The following USP13 variants were observed in gnomAD, a reference collection of about 807,000 sequenced individuals.
The protein encoded by USP13 is ubiquitin carboxyl-terminal hydrolase 13.
In USP13, 68 loss-of-function variants were observed where a neutral mutation model predicts 107.8. The ratio of observed to expected loss-of-function variants is 0.63; its 90% CI spans 0.52 to 0.77. The LOEUF is 0.77. Ranked by LOEUF, USP13 falls within the 30% of genes least tolerant of loss-of-function variation. The pLI, the probability that USP13 is intolerant of heterozygous loss-of-function variation, is 0.00. For synonymous variants in USP13, 377 were observed against 389.5 expected, an observed-to-expected ratio of 0.97 and a Z score of 0.38; for missense variants, 945 against 1,093.3, an observed-to-expected ratio of 0.86 and a Z score of 1.91.
chr3:179,661,255 T>A (rs1720449184), intron 1 of USP13, among the ~76,000 whole-genome samples: 1 of 152,214 alleles, frequency 6.6e-6, no homozygotes, highest in South Asian at 2.1e-4. Context: ...CAAGAAGATA[T>A]AACCACTTAT....
In USP13 at chr3:179,657,051, G is replaced by A. The variant is rs143987336; in HGVS notation, c.168+3658G>A. 2.1e-3 allele frequency among the ~76,000 whole-genome samples: 319 copies of A among 152,336 alleles called. 2 individuals carry two copies. Among genetic ancestry groups the A allele is most frequent in the African/African-American group, 7.0e-3 (290 of 41,572 alleles). The stretch of plus-strand genomic sequence containing the variant: ...GTGAAGGAGAGAGCCCAGACTGGCA[G>A]TGTTTGAATCCTATCTCCGTCACTC... On this transcript the variant is annotated intron_variant, in intron 1 of 20. Transcript: ENST00000263966.
intron 8 of USP13, among the ~76,000 whole-genome samples, chr3:179,728,644 A>C (rs1430529319): frequency 1.3e-5 from 2 of 151,998 alleles, no homozygotes; most frequent in Non-Finnish European, 1.5e-5. Context: ...TGAGAGGTGG[A>C]TGTTGTAGCG....
chr3:179,701,649 G>T (rs1475911861), intron 4 of USP13, among the ~76,000 whole-genome samples: 1 of 152,180 alleles, frequency 6.6e-6, no homozygotes, highest in East Asian at 1.9e-4. Flanking sequence ...ACAGATCTGC[G>T]GGAGCTCTGG....
intron 1 of USP13, among the ~76,000 whole-genome samples, chr3:179,658,006 T>C (rs993606414): frequency 6.6e-6 from 1 of 152,096 alleles, no homozygotes; most frequent in Non-Finnish European, 1.5e-5. Flanking sequence ...AGTTTCCAGG[T>C]GGTCAGTTCC....
chr3:179,728,941 C>A (rs373409114), intron 8 of USP13, among the ~76,000 whole-genome samples: 1 of 151,432 alleles, frequency 6.6e-6, no homozygotes, highest in Non-Finnish European at 1.5e-5. Flanking sequence ...AGAGGGAGAC[C>A]GTGGAGAGAG....
At chr3:179,683,661 A>G (rs1711756365) in intron 2 of USP13, among the ~76,000 whole-genome samples, 1 of 152,146 alleles carries the variant, frequency 6.6e-6, no homozygotes, top group East Asian at 1.9e-4. Context: ...CCCATAATTC[A>G]ATCACCTCCC....
intron 19 of USP13, among the ~76,000 whole-genome samples, chr3:179,769,766 T>C (rs1715289015): frequency 6.6e-6 from 1 of 152,194 alleles, no homozygotes; most frequent in African/African-American, 2.4e-5. Context: ...ATATGCCTAA[T>C]GTAATCCCTA....
intron 19 of USP13, among the ~76,000 whole-genome samples, chr3:179,772,222 A>G (rs1715362269): frequency 6.6e-6 from 1 of 152,248 alleles, no homozygotes; most frequent in Admixed American, 6.5e-5. Context: ...TTAAAACTTT[A>G]AAGCTAGAAA....
At chr3:179,711,370 G>T (rs943105076) in intron 6 of USP13, among the ~76,000 whole-genome samples, 3 of 151,986 alleles carry the variant, frequency 2.0e-5, no homozygotes, top group Admixed American at 2.0e-4. Flanking sequence ...CCCCAACCAC[G>T]CCCAGGTAAT....
chr3:179,750,326 G>GTATATATATATATATATATATA lies in USP13; in HGVS notation c.1710-1940_1710-1939insATATATATATATATATATATAT, dbSNP rs569602060. ...TGTGTATATATATATATATATGTGT[G>GTATATATATATATATATATATA]TATATATATATATATATATGTATAT... On this transcript the variant is annotated intron_variant, in intron 13 of 20. Coordinates refer to ENST00000263966, the MANE Select transcript of USP13 (RefSeq NM_003940.3). 2.7e-3 allele frequency among the ~76,000 whole-genome samples: 202 copies of GTATATATATATATATATATATA among 75,792 alleles called. 3 individuals are homozygous for GTATATATATATATATATATATA. Among genetic ancestry groups the GTATATATATATATATATATATA allele is most frequent in the African/African-American group, 7.6e-3 (194 of 25,678 alleles). The allele number at this position is 75,792 out of a possible 152,430, so 49.7% of individuals were successfully genotyped here.
At chr3:179,688,400 T>A (rs895771011) in intron 2 of USP13, among the ~76,000 whole-genome samples, 1 of 152,212 alleles carries the variant, frequency 6.6e-6, no homozygotes. Flanking sequence ...GTGGTACCAT[T>A]TGTTTACATA....
intron 1 of USP13, among the ~76,000 whole-genome samples, chr3:179,668,570 T>G (rs1442627637): frequency 2.6e-5 from 4 of 152,186 alleles, no homozygotes; most frequent in African/African-American, 9.7e-5. Context: ...GTTTATTTGT[T>G]TTTTGAGACA....
chr3:179,665,444 T>C (rs1720560046), intron 1 of USP13, among the ~76,000 whole-genome samples: 1 of 152,218 alleles, frequency 6.6e-6, no homozygotes, highest in Admixed American at 6.5e-5. Flanking sequence ...ATTTTGCCCC[T>C]GTTTTACGGA....
chr3:179,715,403 G>A (rs9859838), intron 6 of USP13, among the ~76,000 whole-genome samples: 104,071 of 145,174 alleles, frequency 0.72, 37,357 homozygotes, highest in Admixed American at 0.77. Context: ...CTCACTTTCT[G>A]GCCCAGGCTG....
intron 10 of USP13, among the ~76,000 whole-genome samples, chr3:179,733,609 C>T (rs890515631): frequency 2.0e-5 from 3 of 152,100 alleles, no homozygotes; most frequent in Admixed American, 6.5e-5. Flanking sequence ...TATAGATGAG[C>T]CTGAAATGCC....
At chr3:179,765,304 A>T (rs771211376) in intron 18 of USP13, among the ~76,000 whole-genome samples, 26 of 152,366 alleles carry the variant, frequency 1.7e-4, no homozygotes, top group Admixed American at 5.2e-4. Flanking sequence ...TACAGTTGGT[A>T]GAGAAGGTAG....
At chr3:179,756,270 A>G (rs770268483) in intron 15 of USP13, among the ~76,000 whole-genome samples, 1 of 152,168 alleles carries the variant, frequency 6.6e-6, no homozygotes, top group Non-Finnish European at 1.5e-5. Context: ...TAAAAATACG[A>G]AAGTTCACTG....
intron 12 of USP13, among the ~76,000 whole-genome samples, chr3:179,743,791 C>T (rs535260906): frequency 1.3e-5 from 2 of 150,714 alleles, no homozygotes; most frequent in Admixed American, 1.3e-4. Context: ...CTGTTGGGAA[C>T]ACCTAATGTT....
intron 1 of USP13, among the ~76,000 whole-genome samples, chr3:179,673,126 G>C (rs1262907566): frequency 6.6e-6 from 1 of 152,166 alleles, no homozygotes; most frequent in African/African-American, 2.4e-5. Context: ...TAGAATTTCT[G>C]CTGGTGCCTC....
Sources: allele counts gnomAD v4.1 joint callset (sites outside exome capture counted in the v4.1 genomes callset), GRCh38; gene constraint gnomAD v4.1.1; transcripts MANE v1.5; gene names NCBI Gene and HGNC (gene_info 2026-07-23, HGNC 2026-07-21).